BANK1: variants seen among roughly 807,000 people sequenced by gnomAD.
BANK1 encodes B cell scaffold protein with ankyrin repeats 1, also known as B-cell scaffold protein with ankyrin repeats.
In BANK1, 95 loss-of-function variants were observed where a neutral mutation model predicts 94.5. The ratio of observed to expected loss-of-function variants is 1.00; its 90% CI spans 0.85 to 1.19. BANK1 has a LOEUF of 1.19. Among genes scored for constraint, BANK1 ranks in the 50% most tolerant of loss-of-function variants. The probability of loss-of-function intolerance (pLI) is 0.00; values close to 1 mark genes in which losing one functional copy is unlikely to be tolerated. For synonymous variants in BANK1, 334 were observed against 308.4 expected (o/e 1.08, Z -0.87); for missense variants, 987 against 932.2 (o/e 1.06, Z -0.77).
chr4:101,895,132 G>T (rs555679737), intron 5 of BANK1, among the ~76,000 whole-genome samples, 173 bp from the exon 6 acceptor site: 2 of 151,562 alleles, frequency 1.3e-5, no homozygotes, highest in African/African-American at 4.8e-5. Context: ...CTTAGTAATT[G>T]GTTTTTAGGC....
In BANK1 at chr4:102,049,020, A is replaced by G. The variant is rs147997908; in HGVS notation, c.1969+5113A>G. On this transcript the variant is annotated intron_variant, in intron 11 of 16. Transcript: ENST00000322953. ...AGAAAATACTAGTGCTAGAAATTAG[A>G]AATTTCTAGTCAGAAAACTGCATTT... Among the ~76,000 whole-genome samples, 1,053 of 152,252 alleles carry G rather than the reference A, an allele frequency of 6.9e-3. 8 individuals carry two copies. The highest frequency in any genetic ancestry group is 0.061 in the Middle Eastern group (18 of 294).
chr4:101,833,235 G>A (rs771795659), intron 2 of BANK1, among the ~76,000 whole-genome samples: 2 of 152,040 alleles, frequency 1.3e-5, no homozygotes, highest in Admixed American at 6.5e-5. Flanking sequence ...CACCTCAACC[G>A]CCCAAAGTGC....
intron 7 of BANK1, 68 bp downstream of exon 7, chr4:101,918,257 A>T: frequency 1.8e-6 from 2 of 1,119,784 alleles, no homozygotes; most frequent in East Asian, 2.6e-5. Flanking sequence ...CTGTAAGAAG[A>T]AAAAACCTAT....
At chr4:101,901,186 T>C (rs1722270225) in intron 6 of BANK1, among the ~76,000 whole-genome samples, 1 of 152,206 alleles carries the variant, frequency 6.6e-6, no homozygotes, top group Non-Finnish European at 1.5e-5. Context: ...TATTGGTTTC[T>C]CGTGAAACTC....
intron 10 of BANK1, among the ~76,000 whole-genome samples, chr4:102,030,919 T>C (rs1211705456): frequency 6.6e-6 from 1 of 152,210 alleles, no homozygotes. Context: ...TGTGTCTTTA[T>C]AGTAGAATGA....
chr4:102,028,547 A>G (rs1318466509), intron 9 of BANK1, among the ~76,000 whole-genome samples: 1 of 152,064 alleles, frequency 6.6e-6, no homozygotes, highest in African/African-American at 2.4e-5. Context: ...AAGTTTTTCC[A>G]CTAAAATCTT....
chr4:101,940,865 A>T (rs1259590624), intron 7 of BANK1, among the ~76,000 whole-genome samples: 1 of 151,696 alleles, frequency 6.6e-6, no homozygotes, highest in Non-Finnish European at 1.5e-5. Flanking sequence ...CACTGTAAAG[A>T]TATTCCCCCT....
At chr4:101,840,052 T>C (rs1443590811) in intron 2 of BANK1, among the ~76,000 whole-genome samples, 1 of 126,010 alleles carries the variant, frequency 7.9e-6, no homozygotes, top group East Asian at 2.6e-4. Flanking sequence ...CACTGCAAGC[T>C]CCGCCTCCCG....
intron 6 of BANK1, among the ~76,000 whole-genome samples, chr4:101,904,567 A>G (rs1178344109): frequency 6.6e-6 from 1 of 152,184 alleles, no homozygotes; most frequent in Non-Finnish European, 1.5e-5. Context: ...TTCCTCTTGA[A>G]GTGGTTCTTT....
chr4:101,832,400 A>G (rs1003555698), intron 2 of BANK1, among the ~76,000 whole-genome samples: 1 of 151,900 alleles, frequency 6.6e-6, no homozygotes, highest in Non-Finnish European at 1.5e-5. Context: ...TTTACGGTTT[A>G]TTTTTCAGGG....
In BANK1 at chr4:101,905,416, G is replaced by A. The variant is rs140338723; in HGVS notation, c.1009+10006G>A. ...GAAATGCCCCCGTTTAGAATGGGACGGCCCCCTCACGGTGTTTCCCGAAAT... is the reference window on the plus strand; with the variant it reads ...GAAATGCCCCCGTTTAGAATGGGACAGCCCCCTCACGGTGTTTCCCGAAAT... On this transcript the variant is annotated intron_variant, in intron 6 of 16. Transcript: ENST00000322953. 9.9e-5 allele frequency among the ~76,000 whole-genome samples: 15 copies of A among 152,268 alleles called. No individual in the cohort carries two copies. The South Asian group carries it at 1.0e-3, about 11-fold the overall frequency.
At chr4:101,830,674 C>T (rs1726582487) in intron 2 of BANK1, among the ~76,000 whole-genome samples, 1 of 152,068 alleles carries the variant, frequency 6.6e-6, no homozygotes, top group African/African-American at 2.4e-5. Flanking sequence ...TACCAGGTCC[C>T]ATTAATTAAT....
At chr4:101,975,333 T>G (rs1468875383) in intron 7 of BANK1, among the ~76,000 whole-genome samples, 1 of 152,186 alleles carries the variant, frequency 6.6e-6, no homozygotes, top group African/African-American at 2.4e-5. Flanking sequence ...AGATCTCCAG[T>G]TAAAGATGAG....
chr4:101,893,598 T>C (rs985545555), intron 5 of BANK1, among the ~76,000 whole-genome samples: 3 of 152,074 alleles, frequency 2.0e-5, no homozygotes, highest in Non-Finnish European at 4.4e-5. Flanking sequence ...TAGTATAAAG[T>C]GTCAACATAT....
chr4:101,894,210 T>C (rs1383255163), intron 5 of BANK1, among the ~76,000 whole-genome samples: 1 of 152,062 alleles, frequency 6.6e-6, no homozygotes, highest in Non-Finnish European at 1.5e-5. Context: ...AAGGCAGAGC[T>C]TTTTGTCACA....
intron 7 of BANK1, among the ~76,000 whole-genome samples, chr4:101,939,061 A>G (rs1049867774): frequency 1.3e-5 from 2 of 151,680 alleles, no homozygotes; most frequent in African/African-American, 4.8e-5. Context: ...CAAAATCCCC[A>G]TTCTTCCAAT....
intron 5 of BANK1, among the ~76,000 whole-genome samples, chr4:101,874,168 G>T (rs1728401941): frequency 6.6e-6 from 1 of 152,002 alleles, no homozygotes; most frequent in South Asian, 2.1e-4. Context: ...GTACACTTCT[G>T]TTTTTATTCA....
intron 7 of BANK1, among the ~76,000 whole-genome samples, chr4:101,964,022 T>C (rs1267080485): frequency 6.6e-6 from 1 of 152,172 alleles, no homozygotes; most frequent in African/African-American, 2.4e-5. Flanking sequence ...ATGTGAACTG[T>C]TAAGACTGTA....
intron 7 of BANK1, among the ~76,000 whole-genome samples, chr4:101,986,869 G>GTATATA (rs1560668331): frequency 7.4e-5 from 2 of 26,934 alleles, no homozygotes; most frequent in Non-Finnish European, 1.6e-4. Context: ...ATATATATGT[G>GTATATA]TGTATGTGTG....
Sources: allele counts gnomAD v4.1 joint callset (sites outside exome capture counted in the v4.1 genomes callset), GRCh38; gene constraint gnomAD v4.1.1; transcripts MANE v1.5; gene names NCBI Gene and HGNC (gene_info 2026-07-23, HGNC 2026-07-21).